The following DENND5A variants were observed in gnomAD, a reference collection of about 807,000 sequenced individuals.
The protein encoded by DENND5A is DENN domain containing 5A, also known as DENN domain-containing protein 5A.
In DENND5A, 64 loss-of-function variants were observed where a neutral mutation model predicts 140.3. The observed-to-expected ratio is 0.46, with a 90% CI of 0.37 to 0.56. The LOEUF is 0.56. Ranked by LOEUF, DENND5A falls within the 20% of genes least tolerant of loss-of-function variation. The pLI is 0.00. For synonymous variants in DENND5A, 605 were observed against 607.7 expected, an observed-to-expected ratio of 1.00 and a Z score of 0.07; for missense variants, 1,292 against 1,593.8, an observed-to-expected ratio of 0.81 and a Z score of 3.22.
intron 1 of DENND5A, among the ~76,000 whole-genome samples, chr11:9,226,358 T>TGTA (rs1251866325): frequency 6.6e-6 from 1 of 152,218 alleles, no homozygotes; most frequent in Non-Finnish European, 1.5e-5. Context: ...TTCAGAGCAA[T>TGTA]TAAATGATCC....
chr11:9,260,754 T>A (rs952230291), intron 1 of DENND5A, among the ~76,000 whole-genome samples: 1 of 152,236 alleles, frequency 6.6e-6, no homozygotes, highest in Non-Finnish European at 1.5e-5. Flanking sequence ...GGGAAAGAAG[T>A]GACAGGAAGA....
At position 9,180,842 on chromosome 11, in the gene DENND5A, G is replaced by T; in HGVS notation, c.1380C>A (p.Tyr460Ter). 6.2e-7 allele frequency: 1 copy of T among 1,614,188 alleles called. No homozygotes were observed. Reference sequence around the variant, plus strand: ...TAGTTTCATTCTCCTTAAGAAGCTCGTAGGAATGCAAAGGGGAGCCAGCAA... The same window carrying T: ...TAGTTTCATTCTCCTTAAGAAGCTCTTAGGAATGCAAAGGGGAGCCAGCAA... ...GNIAGSPLHSYELLKENETIA... is the reference protein window; with the variant it reads ...GNIAGSPLHS Residue 460 changes from tyrosine (Y) to a stop codon, truncating the protein, a stop_gained, in exon 6 of 23, where the codon TAC becomes TAA. Transcript: ENST00000328194. LOFTEE classifies it high-confidence loss of function.
intron 13 of DENND5A, among the ~76,000 whole-genome samples, chr11:9,151,995 C>T (rs184594843): frequency 1.5e-4 from 23 of 152,278 alleles, no homozygotes; most frequent in Non-Finnish European, 2.9e-4. Context: ...TCTTGACTAA[C>T]GGGATAGATA....
At chr11:9,144,420 T>A in intron 18 of DENND5A, 142 bp from the exon 19 acceptor site, 2 of 831,904 alleles carry the variant, frequency 2.4e-6, no homozygotes, top group Non-Finnish European at 3.8e-6. Context: ...TTCCACCATG[T>A]ATCATCAGAG....
chr11:9,179,045 T>C lies in DENND5A; in HGVS notation c.1484A>G (p.Asn495Ser). The change falls in exon 7 of 23, where the codon AAT (asparagine) becomes AGT (serine). Residue 495 changes from asparagine to serine, a missense_variant. Asn to Ser is a conservative substitution (Grantham distance 46, BLOSUM62 1). Coordinates refer to ENST00000328194, the MANE Select transcript of DENND5A (RefSeq NM_015213.4). The stretch of plus-strand genomic sequence containing the variant: ...ATCACACTGAACTTTGAGATCCTTA[T>C]TGCTGCTGGGGTCTTCACGCACTTC... The part of the protein sequence containing the change: ...KLEVREDPSS[N>S]KDLKVQCDEE... The C allele has an allele frequency of 6.2e-7, 1 of 1,614,176 alleles. No individual in the cohort carries two copies.
At position 9,150,140 on chromosome 11, in the gene DENND5A, C is replaced by T; in HGVS notation, c.2676G>A (p.Met892Ile). 6.2e-7 allele frequency: 1 copy of T among 1,613,802 alleles called. No individual in the cohort carries two copies. The highest frequency in any genetic ancestry group is 8.5e-7 in the Non-Finnish European group (1 of 1,179,852). The change falls in exon 15 of 23, where the codon ATG becomes ATA. Residue 892 changes from methionine (M) to isoleucine (I), a missense_variant. This residue lies in a region of DENND5A where 498 missense variants were observed against 689.7 expected (regional missense o/e 0.72). Coordinates refer to ENST00000328194, the MANE Select transcript of DENND5A (RefSeq NM_015213.4). ...GGTGTCTGGAAAGTAACTTTTTTTC[C>T]ATGGACAGTCGCACCCATGCTCTGG... ...GKARAWVRLS[M>I]EKKLLSRHLK...
intron 1 of DENND5A, among the ~76,000 whole-genome samples, chr11:9,251,135 A>G (rs1851700804): frequency 6.7e-6 from 1 of 148,338 alleles, no homozygotes; most frequent in South Asian, 2.2e-4. Context: ...ACTCCATCTC[A>G]AACAAAAAAA....
intron 1 of DENND5A, among the ~76,000 whole-genome samples, chr11:9,233,087 ACTT>A (rs1415992404): frequency 6.6e-6 from 1 of 152,186 alleles, no homozygotes; most frequent in Non-Finnish European, 1.5e-5. Context: ...GAAGTAGACT[ACTT>A]CTTGCTCACA....
chr11:9,150,239 G>A, intron 14 of DENND5A, 30 bp from the exon 15 acceptor site: 1 of 1,609,688 alleles, frequency 6.2e-7, no homozygotes, highest in Non-Finnish European at 8.5e-7. Context: ...AGGAAGTGGA[G>A]GGTGGGATGG....
At chr11:9,184,347 C>T (rs1401115122) in intron 5 of DENND5A, among the ~76,000 whole-genome samples, 10 of 150,914 alleles carry the variant, frequency 6.6e-5, no homozygotes, top group South Asian at 2.1e-4. Context: ...AGCGAGACTC[C>T]GTCTCAAAAG....
chr11:9,192,330 C>T (rs560430569), intron 5 of DENND5A, among the ~76,000 whole-genome samples: 127 of 152,094 alleles, frequency 8.4e-4, no homozygotes, highest in Middle Eastern at 3.4e-3. Context: ...CACTTATATA[C>T]AAAAATCTCT....
chr11:9,231,824 CT>C (rs943424948), intron 1 of DENND5A, among the ~76,000 whole-genome samples: 3 of 149,624 alleles, frequency 2.0e-5, no homozygotes, highest in East Asian at 2.0e-4. Context: ...AATTCTCTCT[CT>C]TTTTTTTTAA....
intron 4 of DENND5A, among the ~76,000 whole-genome samples, chr11:9,201,576 G>T (rs182512303): frequency 2.0e-5 from 3 of 152,120 alleles, no homozygotes; most frequent in African/African-American, 7.2e-5. Flanking sequence ...AAGCTGAGGT[G>T]GGAGGATCAC....
chr11:9,176,977 G>T (rs1285972619), intron 8 of DENND5A: 8 of 454,714 alleles, frequency 1.8e-5, no homozygotes, highest in African/African-American at 2.0e-5. Context: ...AAAATAGGCT[G>T]GGCACAGTGG....
intron 12 of DENND5A, among the ~76,000 whole-genome samples, chr11:9,156,338 G>A (rs1847801058): frequency 6.6e-6 from 1 of 152,092 alleles, no homozygotes; most frequent in Non-Finnish European, 1.5e-5. Context: ...CAACTAAAAA[G>A]CCCCCATTAT....
At chr11:9,184,982 G>A (rs1266174369) in intron 5 of DENND5A, among the ~76,000 whole-genome samples, 4 of 152,202 alleles carry the variant, frequency 2.6e-5, no homozygotes, top group African/African-American at 7.2e-5. Context: ...CCTGAGGTCA[G>A]GAGTTCGAGA....
intron 1 of DENND5A, among the ~76,000 whole-genome samples, chr11:9,258,365 G>C (rs1255440029): frequency 6.7e-6 from 1 of 149,832 alleles, no homozygotes; most frequent in African/African-American, 2.5e-5. Flanking sequence ...TTATGAGTGA[G>C]AACATGTGGT....
Position 9,178,993 on chromosome 11 carries a change from T to A in DENND5A, c.1536A>T (p.Leu512=). The change falls in exon 7 of 23, where the codon CTA becomes CTT. Residue 512 remains leucine, a synonymous_variant. Transcript: ENST00000328194. The part of the protein sequence containing the change: ...CDEEELRIYQ[L]NIQIREVFAN... Reference sequence around the variant, plus strand: ...CAAAAACTTCCCGGATCTGAATGTTTAGCTGGTAAATCCTGAGTTCTTCTT... The same window carrying A: ...CAAAAACTTCCCGGATCTGAATGTTAAGCTGGTAAATCCTGAGTTCTTCTT... 1 of 1,614,158 alleles carries A rather than the reference T, an allele frequency of 6.2e-7. No homozygotes were observed. Among genetic ancestry groups the A allele is most frequent in the East Asian group, 2.2e-5 (1 of 44,868 alleles).
chr11:9,221,813 A>C (rs1344236131), intron 1 of DENND5A, among the ~76,000 whole-genome samples: 2 of 152,086 alleles, frequency 1.3e-5, no homozygotes, highest in Admixed American at 6.5e-5. Context: ...GCCGGAGTAC[A>C]GTGGTGCGAT....
Sources: allele counts gnomAD v4.1 joint callset (sites outside exome capture counted in the v4.1 genomes callset), GRCh38; gene constraint gnomAD v4.1.1; regional missense constraint gnomAD v4.1.1; transcripts MANE v1.5; gene names NCBI Gene and HGNC (gene_info 2026-07-23, HGNC 2026-07-21).